The following PCBD2 variants were observed in gnomAD, a reference collection of about 807,000 sequenced individuals.
PCBD2 encodes pterin-4 alpha-carbinolamine dehydratase 2.
Under a neutral mutation model 16.4 loss-of-function variants are expected in PCBD2, and 12 were observed. The ratio of observed to expected loss-of-function variants is 0.73; its 90% confidence interval spans 0.47 to 1.19. The LOEUF (loss-of-function observed/expected upper bound fraction) is 1.19. PCBD2 is among the 50% of genes most tolerant of loss of function. The pLI, the probability that PCBD2 is intolerant of heterozygous loss-of-function variation, is 0.00. For synonymous variants in PCBD2, 58 were observed against 61.8 expected (o/e 0.94, Z 0.29); for missense variants, 138 against 156.8 (o/e 0.88, Z 0.64).
chr5:134,959,574 A>G (rs562277558), intron 3 of PCBD2, among the ~76,000 whole-genome samples: 1 of 152,336 alleles, frequency 6.6e-6, no homozygotes, highest in East Asian at 1.9e-4. Context: ...GACAGACTAA[A>G]AAGTTTTGAG....
Position 134,905,239 on chromosome 5 carries a change from C to T in PCBD2, c.84+16C>T, listed in dbSNP as rs985650375. ...AGCGGCCATGGTGAGTGCACAGCGG[C>T]CGCGTGGGTGGGGGTCCGGGGTCGG... On this transcript the variant is annotated intron_variant, in intron 1 of 3. Transcript: ENST00000254908. 7 of 1,223,070 alleles carry T rather than the reference C, an allele frequency of 5.7e-6. No individual in the cohort carries two copies. The Admixed American group carries it at 2.6e-4, about 45-fold the overall frequency. 75.8% of individuals were successfully genotyped at this position (1,223,070 alleles called of 1,614,324 possible). A position where few individuals can be genotyped will look rare whatever the true frequency, so the allele number is the denominator to read the frequency against.
At chr5:134,917,718 G>C (rs145491979) in intron 2 of PCBD2, among the ~76,000 whole-genome samples, 1 of 152,334 alleles carries the variant, frequency 6.6e-6, no homozygotes, top group African/African-American at 2.4e-5. Flanking sequence ...GAGCTGCAGC[G>C]GGAGGGAGGA....
intron 2 of PCBD2, among the ~76,000 whole-genome samples, chr5:134,911,916 G>A (rs1404589586): frequency 6.6e-6 from 1 of 152,234 alleles, no homozygotes; most frequent in African/African-American, 2.4e-5. Flanking sequence ...GCTCTAGGTA[G>A]CATTTTCCAA....
chr5:134,941,118 GAAA>G (rs764468793), intron 2 of PCBD2, among the ~76,000 whole-genome samples: 2 of 80,230 alleles, frequency 2.5e-5, no homozygotes, highest in African/African-American at 4.9e-5. Flanking sequence ...CCATCTCAAG[GAAA>G]AAAAAAAAAA....
At chr5:134,925,908 A>G (rs75040400) in intron 2 of PCBD2, 422 of 392,778 alleles carry the variant, frequency 1.1e-3, no homozygotes, top group African/African-American at 8.0e-3. Flanking sequence ...ATGCTAGGGC[A>G]AGGATGAAAC....
intron 2 of PCBD2, among the ~76,000 whole-genome samples, chr5:134,953,923 TTTATA>T (rs2149540324): frequency 6.6e-6 from 1 of 152,284 alleles, no homozygotes; most frequent in African/African-American, 2.4e-5. Context: ...TTAATTTTAG[TTTATA>T]TTATTTTTCA....
In PCBD2 at chr5:134,960,679, T is replaced by C; in HGVS notation, c.391T>C (p.Ter131ArgextTer7). 1.2e-6 allele frequency: 2 copies of C among 1,605,676 alleles called. No individual in the cohort carries two copies. The highest frequency in any genetic ancestry group is 1.7e-6 in the Non-Finnish European group (2 of 1,172,670). ...KFIEKAAASV* is the reference protein window; with the variant it reads ...KFIEKAAASVR Reference sequence around the variant, plus strand: ...TATTGAAAAAGCAGCTGCTTCTGTGTGATTTCTTCCAAAATACATGTAAAA... The same window carrying C: ...TATTGAAAAAGCAGCTGCTTCTGTGCGATTTCTTCCAAAATACATGTAAAA... Residue 131 changes from the stop codon to arginine (R), a stop_lost, in exon 4 of 4, where the codon TGA becomes CGA. Coordinates refer to ENST00000254908, the MANE Select transcript of PCBD2 (RefSeq NM_032151.5).
At position 134,959,322 on chromosome 5, in the gene PCBD2, T is replaced by C. The variant is rs572745718; in HGVS notation, c.297+202T>C. ...ACAGTGAATAAGCTCTTTATTTTCA[T>C]GCTTGTCTTTCTACTGAAGCTAATA... is the stretch of plus-strand genomic sequence containing the variant. On this transcript the variant is annotated intron_variant, in intron 3 of 3. Coordinates refer to ENST00000254908, the MANE Select transcript of PCBD2 (RefSeq NM_032151.5). Among the ~76,000 whole-genome samples, 13 of 152,364 alleles carry C rather than the reference T, an allele frequency of 8.5e-5. No individual in the cohort carries two copies. In the South Asian group the frequency reaches 2.7e-3, roughly 32 times the overall value.
At chr5:134,940,895 C>T (rs1234886622) in intron 2 of PCBD2, among the ~76,000 whole-genome samples, 4 of 151,756 alleles carry the variant, frequency 2.6e-5, no homozygotes, top group Admixed American at 6.6e-5. Flanking sequence ...TTTGGAAGGC[C>T]GAGGAAGGTG....
intron 2 of PCBD2, chr5:134,924,730 G>A (rs574732956): frequency 1.6e-4 from 65 of 395,576 alleles, no homozygotes; most frequent in African/African-American, 1.0e-3. Context: ...TTGGGTTGAG[G>A]TGATGATGGA....
At chr5:134,923,647 A>T (rs1019150196) in intron 2 of PCBD2, 1 of 372,336 alleles carries the variant, frequency 2.7e-6, no homozygotes, top group Non-Finnish European at 4.8e-6. Flanking sequence ...ATTTGGCCTC[A>T]TGGGAGGACA....
At chr5:134,948,736 A>T (rs1289192161) in intron 2 of PCBD2, among the ~76,000 whole-genome samples, 93 of 144,008 alleles carry the variant, frequency 6.5e-4, no homozygotes, top group Middle Eastern at 7.0e-3. Flanking sequence ...TTTTTTTTTT[A>T]AAAGGCTCTA....
At chr5:134,906,129 C>T (rs1181760696) in intron 1 of PCBD2, among the ~76,000 whole-genome samples, 1 of 151,802 alleles carries the variant, frequency 6.6e-6, no homozygotes, top group African/African-American at 2.4e-5. Context: ...CTGCCTCGGC[C>T]TCCCAAAGTG....
chr5:134,956,010 G>T (rs1174501741), intron 2 of PCBD2, among the ~76,000 whole-genome samples: 3 of 152,146 alleles, frequency 2.0e-5, no homozygotes. Flanking sequence ...GTAGTTCTTT[G>T]AGTGTATATT....
intron 2 of PCBD2, among the ~76,000 whole-genome samples, chr5:134,943,258 C>T (rs867897489): frequency 1.3e-5 from 2 of 152,104 alleles, no homozygotes; most frequent in African/African-American, 2.4e-5. Context: ...CCATGGTGAC[C>T]GAAGCACTTG....
Position 134,959,051 on chromosome 5 carries a change from T to C in PCBD2, c.228T>C (p.Phe76=), listed in dbSNP as rs776905908. ...SFHNFNQAFG[F]MSRVALQAEK... is the part of the protein sequence containing the mutation. ...TTCATCTTATGCAGGCATTTGGCTT[T>C]ATGTCCCGAGTTGCCCTACAAGCAG... Residue 76 remains phenylalanine, a synonymous_variant, in exon 3 of 4, where the codon TTT becomes TTC. Coordinates refer to ENST00000254908, the MANE Select transcript of PCBD2 (RefSeq NM_032151.5). 8.7e-6 allele frequency: 14 copies of C among 1,613,822 alleles called. No homozygotes were observed. The African/African-American group carries it at 1.6e-4, about 18-fold the overall frequency.
intron 2 of PCBD2, among the ~76,000 whole-genome samples, chr5:134,933,388 A>G (rs2149535872): frequency 6.6e-6 from 1 of 152,190 alleles, no homozygotes; most frequent in South Asian, 2.1e-4. Flanking sequence ...GGCATGCGCC[A>G]CCACACCCGG....
At chr5:134,935,497 C>T (rs779527613) in intron 2 of PCBD2, among the ~76,000 whole-genome samples, 14 of 152,140 alleles carry the variant, frequency 9.2e-5, no homozygotes, top group Non-Finnish European at 1.6e-4. Context: ...CACCAACTTT[C>T]CAGCATTTAT....
chr5:134,916,574 T>G (rs1750835852), intron 2 of PCBD2, among the ~76,000 whole-genome samples: 1 of 152,252 alleles, frequency 6.6e-6, no homozygotes, highest in Non-Finnish European at 1.5e-5. Context: ...CTTGAAGCTT[T>G]GAGTTATTCC....
Sources: gnomAD v4.1 joint callset for allele counts (sites outside exome capture counted in the v4.1 genomes callset) on GRCh38, gnomAD v4.1.1 for gene constraint, MANE v1.5 for transcripts, NCBI Gene and HGNC (gene_info 2026-07-23, HGNC 2026-07-21) for gene names.